The following ROR1 variants were observed in gnomAD, a reference collection of about 807,000 sequenced individuals.
ROR1 encodes inactive tyrosine-protein kinase transmembrane receptor ROR1.
A neutral mutation model predicts 78.8 loss-of-function variants in ROR1; 19 were observed. The observed-to-expected ratio is 0.24, with a 90% CI of 0.17 to 0.35. The LOEUF is 0.35. Among genes scored for constraint, ROR1 ranks in the 10% least tolerant of loss-of-function variants. The pLI is 1.00. For synonymous variants in ROR1, 386 were observed against 433.6 expected (o/e 0.89, Z 1.36); for missense variants, 917 against 1,177.8 (o/e 0.78, Z 3.24).
At chr1:63,833,336 AGT>A (rs1437580013) in intron 1 of ROR1, among the ~76,000 whole-genome samples, 2 of 152,208 alleles carry the variant, frequency 1.3e-5, no homozygotes, top group African/African-American at 4.8e-5. Context: ...ATCTTTTCTA[AGT>A]GTGTGCTGGT....
intron 4 of ROR1, among the ~76,000 whole-genome samples, chr1:64,119,212 T>G (rs953798693): frequency 1.1e-4 from 16 of 152,222 alleles, no homozygotes; most frequent in Admixed American, 8.5e-4. Context: ...TGGGGGAATG[T>G]GGTCCCCCTT....
Position 64,140,303 on chromosome 1 carries a change from T to A in ROR1, c.805T>A (p.Ser269Thr). 6.2e-7 allele frequency: 1 copy of A among 1,614,136 alleles called. No individual in the cohort carries two copies. The highest frequency in any genetic ancestry group is 8.5e-7 in the Non-Finnish European group (1 of 1,180,018). The change falls in exon 6 of 9, where the codon TCA (serine) becomes ACA (threonine). Residue 269 changes from serine to threonine, a missense_variant. This residue lies in a region of ROR1 where 835 missense variants were observed against 1,069.8 expected (regional missense o/e 0.78). Transcript: ENST00000371079. ...LCQTEYIFAR[S>T]NPMILMRLKL... ...TCAAACAGAGTACATTTTTGCAAGA[T>A]CAAATCCCATGATTCTGATGAGGCT...
intron 1 of ROR1, among the ~76,000 whole-genome samples, chr1:63,784,368 A>G (rs1177182673): frequency 6.6e-6 from 1 of 152,160 alleles, no homozygotes; most frequent in Non-Finnish European, 1.5e-5. Context: ...TTGTGCCTCT[A>G]ATATACTGAT....
At chr1:63,950,188 C>T (rs1645923793) in intron 1 of ROR1, among the ~76,000 whole-genome samples, 1 of 152,054 alleles carries the variant, frequency 6.6e-6, no homozygotes, top group Admixed American at 6.6e-5. Flanking sequence ...CGAGGCAAGT[C>T]CACAGATTAA....
intron 4 of ROR1, among the ~76,000 whole-genome samples, chr1:64,076,976 G>C (rs960549011): frequency 6.6e-6 from 1 of 152,096 alleles, no homozygotes; most frequent in African/African-American, 2.4e-5. Flanking sequence ...GTATTTATAA[G>C]ATGTTTGGTC....
intron 1 of ROR1, among the ~76,000 whole-genome samples, chr1:63,941,661 G>A (rs146291541): frequency 2.9e-4 from 44 of 152,270 alleles, no homozygotes; most frequent in African/African-American, 1.0e-3. Context: ...CTGCAAAGAT[G>A]TGTAGACATA....
intron 2 of ROR1, among the ~76,000 whole-genome samples, chr1:64,045,668 A>G (rs1478314179): frequency 6.6e-6 from 1 of 152,158 alleles, no homozygotes. Context: ...TCTGTTTTCC[A>G]TGTGTAAAAT....
intron 1 of ROR1, among the ~76,000 whole-genome samples, chr1:64,008,921 CTG>C (rs1234420868): frequency 6.6e-6 from 1 of 152,168 alleles, no homozygotes; most frequent in Non-Finnish European, 1.5e-5. Flanking sequence ...GTGTGAGCCA[CTG>C]TGCCCAGCGT....
At chr1:64,177,212 G>C (rs557020106) in intron 8 of ROR1, among the ~76,000 whole-genome samples, 1 of 152,248 alleles carries the variant, frequency 6.6e-6, no homozygotes. Flanking sequence ...CCATTTTGTG[G>C]CTGGGTTGAG....
chr1:63,944,242 A>C (rs959950879), intron 1 of ROR1, among the ~76,000 whole-genome samples: 12 of 152,296 alleles, frequency 7.9e-5, no homozygotes, highest in Non-Finnish European at 1.6e-4. Context: ...CGTTGTGTTC[A>C]TCTTTATGAT....
chr1:63,981,909 C>T (rs1646213526), intron 1 of ROR1, among the ~76,000 whole-genome samples: 1 of 152,146 alleles, frequency 6.6e-6, no homozygotes, highest in Non-Finnish European at 1.5e-5. Flanking sequence ...CAAGCCCACT[C>T]AGCCCAATTT....
intron 1 of ROR1, among the ~76,000 whole-genome samples, chr1:63,776,749 A>C (rs1310935770): frequency 6.6e-6 from 1 of 152,124 alleles, no homozygotes; most frequent in Non-Finnish European, 1.5e-5. Flanking sequence ...AATATAAAAC[A>C]ATATGAGAGG....
intron 1 of ROR1, chr1:63,843,259 C>T (rs1645060357): frequency 1.1e-5 from 16 of 1,495,426 alleles, no homozygotes; most frequent in Non-Finnish European, 1.4e-5. Context: ...GTGCAGCGGT[C>T]CTTGACCTCC....
Position 64,178,869 on chromosome 1 carries a change from T to G in ROR1, c.*14T>G. ...GCAGAACTGTAAAATGCACAACTTTTGTAAATGTGGTATACAGGACAAACT... is the reference window on the plus strand; with the variant it reads ...GCAGAACTGTAAAATGCACAACTTTGGTAAATGTGGTATACAGGACAAACT... On this transcript the variant is annotated 3_prime_UTR_variant, in exon 9 of 9. Coordinates refer to ENST00000371079, the MANE Select transcript of ROR1 (RefSeq NM_005012.4). This position sits in a 1 kb window ranked among gnomAD's most constrained non-coding sequence, Gnocchi z 4.3. 3 of 1,594,050 alleles carry G rather than the reference T, an allele frequency of 1.9e-6. No individual in the cohort carries two copies. The highest frequency in any genetic ancestry group is 2.6e-6 in the Non-Finnish European group (3 of 1,165,176).
chr1:63,946,105 C>G (rs1645886965), intron 1 of ROR1, among the ~76,000 whole-genome samples: 1 of 152,228 alleles, frequency 6.6e-6, no homozygotes, highest in African/African-American at 2.4e-5. Context: ...CCAGACACAT[C>G]CTCTGTGACA....
intron 1 of ROR1, among the ~76,000 whole-genome samples, chr1:63,895,482 AT>A: frequency 6.6e-6 from 1 of 152,296 alleles, no homozygotes; most frequent in East Asian, 1.9e-4. Flanking sequence ...CCAAGGTGGA[AT>A]TTGAAGTGGA....
chr1:63,939,635 C>T (rs1257373794), intron 1 of ROR1, among the ~76,000 whole-genome samples: 1 of 152,124 alleles, frequency 6.6e-6, no homozygotes, highest in Non-Finnish European at 1.5e-5. Flanking sequence ...TTTTACAGTT[C>T]GCCAGCTGTG....
At chr1:64,155,761 G>A (rs902000950) in intron 7 of ROR1, among the ~76,000 whole-genome samples, 19 of 152,104 alleles carry the variant, frequency 1.2e-4, no homozygotes, top group Admixed American at 9.8e-4. Flanking sequence ...TAGCCTCATC[G>A]CTTTTGTAAT....
chr1:63,840,628 T>C (rs935113497), intron 1 of ROR1, among the ~76,000 whole-genome samples: 2 of 152,090 alleles, frequency 1.3e-5, no homozygotes, highest in Non-Finnish European at 2.9e-5. Flanking sequence ...GTAAATAGTA[T>C]TTGTATAATA....
Sources: gnomAD v4.1 joint callset for allele counts (sites outside exome capture counted in the v4.1 genomes callset) on GRCh38, gnomAD v4.1.1 for gene constraint, gnomAD v4.1.1 regional missense constraint, Gnocchi (gnomAD v3.1) non-coding constraint, MANE v1.5 for transcripts, NCBI Gene and HGNC (gene_info 2026-07-23, HGNC 2026-07-21) for gene names.